GALNTL6: variants seen among roughly 807,000 people sequenced by gnomAD.
GALNTL6 encodes polypeptide N-acetylgalactosaminyltransferase-like 6.
Under a neutral mutation model 73.7 loss-of-function variants are expected in GALNTL6, and 46 were observed. The ratio of observed to expected loss-of-function variants is 0.62; its 90% confidence interval spans 0.49 to 0.80. The LOEUF is 0.80. GALNTL6 is among the 30% of genes least tolerant of loss of function. The pLI is 0.00. For missense variants in GALNTL6, 604 were observed against 755.0 expected, an observed-to-expected ratio of 0.80 and a Z score of 2.34; for synonymous variants, 259 against 263.7, an observed-to-expected ratio of 0.98 and a Z score of 0.17.
At chr4:172,838,607 A>G (rs565436696) in intron 7 of GALNTL6, among the ~76,000 whole-genome samples, 3 of 152,332 alleles carry the variant, frequency 2.0e-5, no homozygotes, top group Non-Finnish European at 2.9e-5. Context: ...GGAGAATAAA[A>G]TACAATGTTT....
chr4:171,992,550 AC>A (rs1164236960), intron 2 of GALNTL6, among the ~76,000 whole-genome samples: 1 of 152,030 alleles, frequency 6.6e-6, no homozygotes, highest in Admixed American at 6.6e-5. Flanking sequence ...ATCTGATAAA[AC>A]TGATAGTTGG....
chr4:171,847,937 A>G (rs975078681), intron 2 of GALNTL6, among the ~76,000 whole-genome samples: 3 of 152,168 alleles, frequency 2.0e-5, no homozygotes, highest in African/African-American at 7.2e-5. Flanking sequence ...CATGAATCAC[A>G]AACGTTCTTG....
chr4:172,532,418 A>G (rs977914138), intron 5 of GALNTL6, among the ~76,000 whole-genome samples: 4 of 152,184 alleles, frequency 2.6e-5, no homozygotes, highest in African/African-American at 9.6e-5. Flanking sequence ...CAAAAAGAGT[A>G]TGGCCCTGCT....
chr4:171,852,388 T>A (rs1309391742), intron 2 of GALNTL6, among the ~76,000 whole-genome samples: 1 of 151,774 alleles, frequency 6.6e-6, no homozygotes, highest in Non-Finnish European at 1.5e-5. Flanking sequence ...TATTCAGGTG[T>A]GCATTGCTTA....
chr4:171,887,787 A>AT (rs1736644336), intron 2 of GALNTL6, among the ~76,000 whole-genome samples: 1 of 151,950 alleles, frequency 6.6e-6, no homozygotes, highest in South Asian at 2.1e-4. Flanking sequence ...TTGAAAAAAA[A>AT]CAGTAACATA....
At chr4:171,929,864 C>T (rs112599291) in intron 2 of GALNTL6, among the ~76,000 whole-genome samples, 6,735 of 152,276 alleles carry the variant, frequency 0.044, 405 homozygotes, top group African/African-American at 0.14. Flanking sequence ...CCCTGGAAAA[C>T]GCGAGACAGA....
intron 5 of GALNTL6, among the ~76,000 whole-genome samples, chr4:172,444,474 G>T (rs182200669): frequency 6.5e-4 from 99 of 152,262 alleles, no homozygotes; most frequent in Middle Eastern, 3.4e-3. Context: ...TAAATTGGTT[G>T]TTTGAGAGCT....
chr4:172,933,048 T>C (rs1748432677), intron 9 of GALNTL6, among the ~76,000 whole-genome samples: 1 of 152,114 alleles, frequency 6.6e-6, no homozygotes, highest in African/African-American at 2.4e-5. Context: ...GGTAAGGAAA[T>C]ATGGTTTGAT....
At chr4:171,828,820 A>T (rs1021364530) in intron 2 of GALNTL6, among the ~76,000 whole-genome samples, 1 of 152,030 alleles carries the variant, frequency 6.6e-6, no homozygotes, top group African/African-American at 2.4e-5. Flanking sequence ...ACAGGGTTTC[A>T]CTATGGTCTA....
chr4:172,952,437 G>A (rs549428852), intron 10 of GALNTL6, among the ~76,000 whole-genome samples, 179 bp downstream of exon 10: 56 of 152,192 alleles, frequency 3.7e-4, no homozygotes, highest in African/African-American at 1.3e-3. Context: ...ACTAGATTTA[G>A]CTTCAGAGTT....
chr4:172,927,688 G>T (rs1013970019), intron 8 of GALNTL6, among the ~76,000 whole-genome samples: 23 of 151,986 alleles, frequency 1.5e-4, no homozygotes, highest in Admixed American at 1.3e-3. Context: ...CCAAGTAAAG[G>T]TATTTACCCA....
chr4:172,013,182 C>T (rs563358979), intron 2 of GALNTL6, among the ~76,000 whole-genome samples: 13 of 152,040 alleles, frequency 8.6e-5, no homozygotes, highest in South Asian at 8.3e-4. Context: ...TTGTTGGAAA[C>T]GTTCAAAGTC....
intron 3 of GALNTL6, among the ~76,000 whole-genome samples, chr4:172,304,368 GA>G (rs1561016160): frequency 6.6e-6 from 1 of 151,642 alleles, no homozygotes; most frequent in Non-Finnish European, 1.5e-5. Context: ...ATCCCAATGG[GA>G]ACATTAGTCG....
Position 172,183,622 on chromosome 4 carries a change from A to G in GALNTL6, c.139-46034A>G, listed in dbSNP as rs540096302. Among the ~76,000 whole-genome samples the G allele has an allele frequency of 9.2e-5, 14 of 152,274 alleles. No homozygotes were observed. The East Asian group carries it at 2.1e-3, about 23-fold the overall frequency. ...CTCTTATTGCCATAAGATGACTTCA[A>G]ATACACTTTAGAGCTATCCTAGCCT... On this transcript the variant is annotated intron_variant, in intron 2 of 12. Transcript: ENST00000506823.
chr4:172,657,323 C>T (rs1560861103), intron 5 of GALNTL6, among the ~76,000 whole-genome samples: 1 of 151,944 alleles, frequency 6.6e-6, no homozygotes, highest in Non-Finnish European at 1.5e-5. Context: ...TTGTGGCTCG[C>T]GATAATTAAT....
At chr4:172,318,699 TC>T (rs1455460969) in intron 4 of GALNTL6, among the ~76,000 whole-genome samples, 1 of 84,078 alleles carries the variant, frequency 1.2e-5, no homozygotes. Flanking sequence ...CGAAACTCCA[TC>T]CCCCCCACCC....
At chr4:172,176,605 C>T (rs372754446) in intron 2 of GALNTL6, among the ~76,000 whole-genome samples, 12 of 151,924 alleles carry the variant, frequency 7.9e-5, no homozygotes, top group Admixed American at 6.6e-4. Flanking sequence ...GCCTGGACAA[C>T]ATAGTGAGAC....
intron 9 of GALNTL6, among the ~76,000 whole-genome samples, chr4:172,939,554 T>C (rs1010432505): frequency 1.3e-5 from 2 of 152,210 alleles, no homozygotes; most frequent in Admixed American, 6.5e-5. Context: ...TATTAATAAA[T>C]ATTTATCAAG....
At chr4:172,367,265 G>T (rs1244673615) in intron 5 of GALNTL6, among the ~76,000 whole-genome samples, 1 of 152,086 alleles carries the variant, frequency 6.6e-6, no homozygotes, top group Non-Finnish European at 1.5e-5. Context: ...TCCCATGTTG[G>T]TCTTCCTACA....
Sources: allele counts gnomAD v4.1 joint callset (sites outside exome capture counted in the v4.1 genomes callset), GRCh38; gene constraint gnomAD v4.1.1; transcripts MANE v1.5; gene names NCBI Gene and HGNC (gene_info 2026-07-23, HGNC 2026-07-21).